The following GALNT13 variants were observed in gnomAD, a reference collection of about 807,000 sequenced individuals.
GALNT13 encodes the protein polypeptide N-acetylgalactosaminyltransferase 13.
In GALNT13, 28 loss-of-function variants were observed where a neutral mutation model predicts 64.2. The ratio of observed to expected loss-of-function variants is 0.44; its 90% confidence interval spans 0.32 to 0.60. GALNT13 has a LOEUF of 0.60. Among genes scored for constraint, GALNT13 ranks in the 20% least tolerant of loss-of-function variants. GALNT13 has a pLI of 0.05. For missense variants in GALNT13, 577 were observed against 669.8 expected (o/e 0.86, Z 1.53); for synonymous variants, 214 against 224.6 (o/e 0.95, Z 0.42).
the GALNT13 span, among the ~76,000 whole-genome samples, chr2:153,772,513 C>T: frequency 6.6e-6 from 1 of 152,246 alleles, no homozygotes; most frequent in African/African-American, 2.4e-5. Context: ...CTTTCTCCTC[C>T]CTGAGATCTG....
At chr2:153,630,807 ATTTTTTTTT>A in the GALNT13 span, among the ~76,000 whole-genome samples, 118 of 21,972 alleles carry the variant, frequency 5.4e-3, no homozygotes, top group African/African-American at 0.021. Flanking sequence ...ATATATATAT[ATTTTTTTTT>A]TTTTTTTTAT....
chr2:154,141,366 T>C (rs1683248713), intron 4 of GALNT13, among the ~76,000 whole-genome samples: 1 of 152,208 alleles, frequency 6.6e-6, no homozygotes, highest in Non-Finnish European at 1.5e-5. Flanking sequence ...TTAAACTGTT[T>C]AGTATTAATA....
At chr2:154,372,594 T>C (rs1697761246) in intron 9 of GALNT13, among the ~76,000 whole-genome samples, 1 of 152,112 alleles carries the variant, frequency 6.6e-6, no homozygotes, top group Non-Finnish European at 1.5e-5. Flanking sequence ...GCCATTGAAA[T>C]ATTTACAAGG....
chr2:153,719,930 C>A, the GALNT13 span, among the ~76,000 whole-genome samples: 4 of 152,054 alleles, frequency 2.6e-5, no homozygotes, highest in African/African-American at 9.7e-5. Context: ...ACAAAGCAGC[C>A]GGGAAGCTCA....
the GALNT13 span, among the ~76,000 whole-genome samples, chr2:153,206,911 T>G: frequency 1.4e-4 from 22 of 152,052 alleles, no homozygotes; most frequent in African/African-American, 5.1e-4. Context: ...AAATTACAAC[T>G]CACAGCCAAT....
the GALNT13 span, among the ~76,000 whole-genome samples, chr2:153,253,045 G>C: frequency 2.0e-5 from 3 of 151,670 alleles, no homozygotes; most frequent in Non-Finnish European, 4.4e-5. Flanking sequence ...CATTGAATCT[G>C]TAAATTACCT....
Position 154,109,555 on chromosome 2 carries a change from T to C in GALNT13, c.143-30782T>C, listed in dbSNP as rs191945504. Among the ~76,000 whole-genome samples the C allele has an allele frequency of 1.2e-4, 19 of 152,184 alleles. No individual in the cohort carries two copies. In the East Asian group the frequency reaches 3.7e-3, roughly 29 times the overall value. ...GTGAGTATTATTGTCTTGTTCCAGA[T>C]CTCAGAGGAAGGACTTCAATTATTC... On this transcript the variant is annotated intron_variant, in intron 3 of 12. Transcript: ENST00000392825.
chr2:154,224,207 G>T (rs968822700), intron 4 of GALNT13, among the ~76,000 whole-genome samples: 1 of 152,012 alleles, frequency 6.6e-6, no homozygotes. Context: ...GTGAAGAAAT[G>T]TAGCTATGAT....
the GALNT13 span, among the ~76,000 whole-genome samples, chr2:153,259,845 T>A: frequency 1.6e-4 from 25 of 152,334 alleles, no homozygotes; most frequent in African/African-American, 5.3e-4. Context: ...GTTATTTTTT[T>A]AAATTATTTT....
At chr2:153,786,712 G>A in the GALNT13 span, among the ~76,000 whole-genome samples, 8 of 151,874 alleles carry the variant, frequency 5.3e-5, no homozygotes, top group African/African-American at 7.3e-5. Context: ...CAGTAACAGC[G>A]GCTCCAAATT....
the GALNT13 span, among the ~76,000 whole-genome samples, chr2:153,547,075 G>C: frequency 6.6e-6 from 1 of 152,134 alleles, no homozygotes; most frequent in African/African-American, 2.4e-5. Flanking sequence ...TGTACAAGAT[G>C]GATGAAGTAG....
At chr2:154,449,151 T>G (rs1482225320) in intron 12 of GALNT13, among the ~76,000 whole-genome samples, 2 of 151,962 alleles carry the variant, frequency 1.3e-5, no homozygotes, top group African/African-American at 4.8e-5. Context: ...AATAGCTTGA[T>G]TCCATGTTTT....
rs1233208163 is a variant in GALNT13, at chr2:154,452,629, G to T, written c.*2078G>T. The T allele has an allele frequency of 1.3e-5, 2 of 152,124 alleles. No homozygotes were observed. Among genetic ancestry groups the T allele is most frequent in the Non-Finnish European group, 2.9e-5 (2 of 68,024 alleles). The allele number at this position is 152,124 out of a possible 1,614,324, so 9.4% of individuals were successfully genotyped here. ...AACGTTTTAGCAGAATTTTAAATAT[G>T]TGAAAGTTCATTGTGGTCATGGTGA... On this transcript the variant is annotated 3_prime_UTR_variant, in exon 13 of 13. Coordinates refer to ENST00000392825, the MANE Select transcript of GALNT13 (RefSeq NM_052917.4).
the GALNT13 span, among the ~76,000 whole-genome samples, chr2:153,393,860 C>T: frequency 6.6e-6 from 1 of 151,600 alleles, no homozygotes; most frequent in Non-Finnish European, 1.5e-5. Context: ...ATCCTGCTAG[C>T]CAAGCTTGCA....
intron 3 of GALNT13, among the ~76,000 whole-genome samples, chr2:154,107,976 T>C (rs1378568882): frequency 6.6e-6 from 1 of 152,190 alleles, no homozygotes; most frequent in Non-Finnish European, 1.5e-5. Flanking sequence ...TGGGTATATA[T>C]ACCACATTTC....
At chr2:154,072,714 G>C (rs1366039263) in intron 3 of GALNT13, among the ~76,000 whole-genome samples, 1 of 152,102 alleles carries the variant, frequency 6.6e-6, no homozygotes, top group South Asian at 2.1e-4. Flanking sequence ...ACAGCAACTG[G>C]TGGTAGGGCT....
At chr2:153,972,062 G>T (rs1229657266) in intron 3 of GALNT13, among the ~76,000 whole-genome samples, 2 of 152,042 alleles carry the variant, frequency 1.3e-5, no homozygotes, top group African/African-American at 4.8e-5. Flanking sequence ...AATGCTTGGG[G>T]TCATCAAAGA....
chr2:153,952,496 T>C (rs1027135127), intron 3 of GALNT13, among the ~76,000 whole-genome samples: 7 of 151,686 alleles, frequency 4.6e-5, no homozygotes, highest in African/African-American at 1.7e-4. Flanking sequence ...ACAGATAATA[T>C]TTGGTTTGAG....
chr2:153,090,227 G>C, the GALNT13 span, among the ~76,000 whole-genome samples: 1 of 152,072 alleles, frequency 6.6e-6, no homozygotes, highest in African/African-American at 2.4e-5. Context: ...TGCTCTCTTG[G>C]GTCTAACCAC....
Sources: allele counts gnomAD v4.1 joint callset (sites outside exome capture counted in the v4.1 genomes callset), GRCh38; gene constraint gnomAD v4.1.1; transcripts MANE v1.5; gene names NCBI Gene and HGNC (gene_info 2026-07-23, HGNC 2026-07-21).